The following ESYT2 variants were observed in gnomAD, a reference collection of about 807,000 sequenced individuals.
ESYT2 encodes the protein extended synaptotagmin 2.
In ESYT2, 54 loss-of-function variants were observed where a neutral mutation model predicts 107.2. The ratio of observed to expected loss-of-function variants is 0.50; its 90% CI spans 0.40 to 0.63. The LOEUF (loss-of-function observed/expected upper bound fraction) is 0.63, where lower values mean the gene tolerates loss of function less well. Ranked by LOEUF, ESYT2 falls within the 30% of genes least tolerant of loss-of-function variation. ESYT2 has a pLI of 0.00. For synonymous variants in ESYT2, 491 were observed against 434.1 expected, an observed-to-expected ratio of 1.13 and a Z score of -1.63; for missense variants, 1,020 against 1,094.5, an observed-to-expected ratio of 0.93 and a Z score of 0.96.
chr7:158,745,062 G>T (rs935281148), intron 16 of ESYT2, among the ~76,000 whole-genome samples: 3 of 152,100 alleles, frequency 2.0e-5, no homozygotes, highest in African/African-American at 7.2e-5. Context: ...TATCAGATTG[G>T]GGCAAAAGTA....
intron 1 of ESYT2, among the ~76,000 whole-genome samples, chr7:158,822,645 A>G (rs1019107145): frequency 6.6e-6 from 1 of 152,024 alleles, no homozygotes; most frequent in African/African-American, 2.4e-5. Context: ...AAAAATAAAT[A>G]AAAATAAAGT....
chr7:158,804,825 C>T (rs1009098146), intron 1 of ESYT2, among the ~76,000 whole-genome samples: 1 of 152,110 alleles, frequency 6.6e-6, no homozygotes, highest in Non-Finnish European at 1.5e-5. Flanking sequence ...CACAAGCTGC[C>T]GAGAAGGGTG....
intron 19 of ESYT2, among the ~76,000 whole-genome samples, chr7:158,737,419 G>T (rs1428862394): frequency 6.6e-6 from 1 of 152,154 alleles, no homozygotes; most frequent in Admixed American, 6.5e-5. Flanking sequence ...CAAGCCCAGA[G>T]TTTGGAGGAC....
At chr7:158,751,526 A>T (rs1779487414) in intron 14 of ESYT2, among the ~76,000 whole-genome samples, 1 of 152,204 alleles carries the variant, frequency 6.6e-6, no homozygotes, top group Admixed American at 6.5e-5. Context: ...AGACCTAAAT[A>T]TTGCATCTAT....
At chr7:158,782,157 G>A (rs553993169) in intron 6 of ESYT2, among the ~76,000 whole-genome samples, 1 of 151,326 alleles carries the variant, frequency 6.6e-6, no homozygotes, top group African/African-American at 2.4e-5. Context: ...ACAAGTGTGA[G>A]TGTGAGAACA....
At chr7:158,740,701 G>A (rs558089068) in intron 18 of ESYT2, among the ~76,000 whole-genome samples, 1 of 152,234 alleles carries the variant, frequency 6.6e-6, no homozygotes, top group African/African-American at 2.4e-5. Flanking sequence ...TTTCCTTCTG[G>A]AGCAAGAGAG....
At chr7:158,765,461 C>T (rs1355478081) in intron 8 of ESYT2, among the ~76,000 whole-genome samples, 2 of 152,162 alleles carry the variant, frequency 1.3e-5, no homozygotes, top group Non-Finnish European at 2.9e-5. Flanking sequence ...TGGCCAGGCG[C>T]GGTGGCTCAT....
At position 158,733,124 on chromosome 7, in the gene ESYT2, G is replaced by C. The variant is rs1836800907; in HGVS notation, c.*1083C>G. 6.6e-6 allele frequency: 1 copy of C among 152,210 alleles called. No individual in the cohort carries two copies. The highest frequency in any genetic ancestry group is 2.1e-4 in the South Asian group (1 of 4,838). The allele number at this position is 152,210 out of a possible 1,614,324, so 9.4% of individuals were successfully genotyped here. On this transcript the variant is annotated 3_prime_UTR_variant, in exon 23 of 23. Transcript: ENST00000275418. ...CGCAGCTGTGGCGCCCCCAACCCTG[G>C]TGGTGGCCAGTGCACATCGGCTCAA...
chr7:158,797,941 C>T lies in ESYT2; in HGVS notation c.507+1G>A. On this transcript the variant is annotated splice_donor_variant, in intron 3 of 22. Transcript: ENST00000275418. LOFTEE classifies it high-confidence loss of function. Reference sequence around the variant, plus strand: ...GTGAGGATACTTAAGAGAACACTGACCTGCTGGCCCACGTCGACCTTCGTG... The same window carrying T: ...GTGAGGATACTTAAGAGAACACTGATCTGCTGGCCCACGTCGACCTTCGTG... 1 of 1,613,744 alleles carries T rather than the reference C, an allele frequency of 6.2e-7. No individual in the cohort carries two copies.
Position 158,829,286 on chromosome 7 carries a change from C to G in ESYT2, c.133G>C (p.Ala45Pro). 3.3e-6 allele frequency: 5 copies of G among 1,513,584 alleles called. No homozygotes were observed. The highest frequency in any genetic ancestry group is 2.1e-5 in the Admixed American group (1 of 48,462). 93.8% of individuals were successfully genotyped at this position (1,513,584 alleles called of 1,614,324 possible). Residue 45 changes from alanine (A) to proline (P), a missense_variant, in exon 1 of 23, where the codon GCG becomes CCG. Physicochemically the swap from Ala to Pro is conservative, Grantham distance 27. Transcript: ENST00000275418. ...GLLAQLARSF[A>P]LLLPVYALGY... is the part of the protein sequence containing the mutation. ...AGCGCGTACACGGGCAGCAGCAGCG[C>G]GAAGCTCCGCGCCAGCTGCGCCAGC...
intron 16 of ESYT2, among the ~76,000 whole-genome samples, chr7:158,747,167 T>C (rs1036801516): frequency 2.0e-5 from 3 of 150,890 alleles, no homozygotes; most frequent in South Asian, 4.2e-4. Context: ...GCCAACATGG[T>C]GAAACCCCGT....
chr7:158,736,929 T>C (rs921980326), intron 20 of ESYT2, 119 bp downstream of exon 20: 6 of 1,371,946 alleles, frequency 4.4e-6, no homozygotes, highest in Non-Finnish European at 6.0e-6. Flanking sequence ...AGTTGGTTTC[T>C]GATTGAACTT....
At chr7:158,748,145 A>G (rs1837466025) in intron 16 of ESYT2, 49 bp downstream of exon 16, 2 of 1,567,786 alleles carry the variant, frequency 1.3e-6, no homozygotes, top group South Asian at 2.2e-5. Context: ...TATACTTTAA[A>G]AAGTCAATTA....
intron 10 of ESYT2, among the ~76,000 whole-genome samples, chr7:158,762,316 CCA>C (rs1838000227): frequency 6.6e-6 from 1 of 152,166 alleles, no homozygotes; most frequent in Admixed American, 6.6e-5. Flanking sequence ...ACAATCCAAT[CCA>C]CACAGTGATT....
At chr7:158,807,315 G>C (rs1839860276) in intron 1 of ESYT2, among the ~76,000 whole-genome samples, 1 of 150,496 alleles carries the variant, frequency 6.6e-6, no homozygotes, top group Non-Finnish European at 1.5e-5. Context: ...TATCTACATG[G>C]ATTCAGAATT....
At chr7:158,749,199 C>T (rs78951092) in intron 15 of ESYT2, among the ~76,000 whole-genome samples, 41 of 152,218 alleles carry the variant, frequency 2.7e-4, no homozygotes, top group Non-Finnish European at 5.6e-4. Flanking sequence ...CTCTGCCTCC[C>T]GGGTTCAAGC....
intron 16 of ESYT2, among the ~76,000 whole-genome samples, chr7:158,746,155 T>G (rs892007413): frequency 1.2e-4 from 18 of 151,738 alleles, no homozygotes; most frequent in Non-Finnish European, 2.5e-4. Context: ...CCAAGGTGGA[T>G]AGATGGCTTG....
intron 15 of ESYT2, 52 bp from the exon 16 acceptor site, chr7:158,748,332 T>C (rs759774222): frequency 1.4e-6 from 2 of 1,391,516 alleles, no homozygotes; most frequent in Non-Finnish European, 2.0e-6. Flanking sequence ...GGAAAAGGGC[T>C]ACTCATTTTA....
intron 6 of ESYT2, among the ~76,000 whole-genome samples, chr7:158,780,248 G>T (rs887882572): frequency 6.6e-6 from 1 of 152,324 alleles, no homozygotes; most frequent in South Asian, 2.1e-4. Flanking sequence ...GAGGCCACAC[G>T]CCAGGCTCCA....
Sources: allele counts gnomAD v4.1 joint callset (sites outside exome capture counted in the v4.1 genomes callset), GRCh38; gene constraint gnomAD v4.1.1; transcripts MANE v1.5; gene names NCBI Gene and HGNC (gene_info 2026-07-23, HGNC 2026-07-21).